IGDCC3: variants seen among roughly 807,000 people sequenced by gnomAD.
The protein encoded by IGDCC3 is putative neuronal cell adhesion molecule.
Under a neutral mutation model 72.0 loss-of-function variants are expected in IGDCC3, and 47 were observed. The ratio of observed to expected loss-of-function variants is 0.65; its 90% CI spans 0.52 to 0.83. IGDCC3 has a LOEUF of 0.83. IGDCC3 is among the 40% of genes least tolerant of loss of function. The pLI is 0.00. For missense variants in IGDCC3, 1,038 were observed against 1,091.3 expected (o/e 0.95, Z 0.69); for synonymous variants, 477 against 472.8 (o/e 1.01, Z -0.11).
chr15:65,371,690 G>T (rs978384410), intron 2 of IGDCC3, among the ~76,000 whole-genome samples: 1 of 152,240 alleles, frequency 6.6e-6, no homozygotes, highest in African/African-American at 2.4e-5. Flanking sequence ...CTGAGATCAA[G>T]AATTAAGGCT....
At chr15:65,343,116 T>C (rs1448043391) in intron 2 of IGDCC3, among the ~76,000 whole-genome samples, 1 of 152,214 alleles carries the variant, frequency 6.6e-6, no homozygotes, top group East Asian at 1.9e-4. Context: ...CTAGAGCCAC[T>C]GCAATAGGGG....
rs575582153 is a variant in IGDCC3 at position 65,353,190 on chromosome 15, CTT to C, written c.410-17236_410-17235del. On this transcript the variant is annotated intron_variant, in intron 2 of 13. Transcript: ENST00000327987. ...TTTGTAGGAATACAGGACAAGCGTA[CTT>C]TTTTTTTTTTTCCTTCCTTCCTTCC... Among the ~76,000 whole-genome samples the C allele has an allele frequency of 8.3e-5, 12 of 144,420 alleles. No individual in the cohort carries two copies. The East Asian group carries it at 1.6e-3, about 19-fold the overall frequency. The allele number at this position is 144,420 out of a possible 152,430, so 94.7% of individuals were successfully genotyped here.
At chr15:65,350,893 C>T (rs1282656871) in intron 2 of IGDCC3, among the ~76,000 whole-genome samples, 2 of 152,196 alleles carry the variant, frequency 1.3e-5, no homozygotes, top group African/African-American at 4.8e-5. Flanking sequence ...AACATTATAA[C>T]ATGTAATTGA....
chr15:65,368,160 T>TCACA (rs57451250), intron 2 of IGDCC3, among the ~76,000 whole-genome samples: 2,960 of 146,266 alleles, frequency 0.02, 105 homozygotes, highest in African/African-American at 0.071. Flanking sequence ...TCTCTTTCAC[T>TCACA]CACACACACA....
At position 65,330,560 on chromosome 15, in the gene IGDCC3, G is replaced by A. The variant is rs1255367796; in HGVS notation, c.1743C>T (p.Leu581=). The A allele has an allele frequency of 4.3e-6, 7 of 1,613,214 alleles. No homozygotes were observed. The highest frequency in any genetic ancestry group is 5.1e-6 in the Non-Finnish European group (6 of 1,179,848). The change falls in exon 10 of 14, where the codon CTC becomes CTT. Residue 581 remains leucine (L), a synonymous_variant. Coordinates refer to ENST00000327987, the MANE Select transcript of IGDCC3 (RefSeq NM_004884.4). ...LLPGTVSSYN[L]SQLDPTAVYE... is the part of the protein sequence containing the mutation. ...CTGTGTCTGCCTCACCGAGCTGGCT[G>A]AGGTTGTAGGAGGAGACGGTTCCAG...
intron 2 of IGDCC3, among the ~76,000 whole-genome samples, chr15:65,347,849 T>C (rs2091138073): frequency 6.6e-6 from 1 of 152,072 alleles, no homozygotes; most frequent in African/African-American, 2.4e-5. Flanking sequence ...GGCAGGAGAA[T>C]TGCTTGAACC....
chr15:65,373,514 A>G (rs1483086523), intron 2 of IGDCC3: 1 of 152,452 alleles, frequency 6.6e-6, no homozygotes, highest in Non-Finnish European at 1.5e-5. Flanking sequence ...TCCTGCCTCA[A>G]ACTGATTCAT....
At chr15:65,352,684 T>G (rs562522828) in intron 2 of IGDCC3, among the ~76,000 whole-genome samples, 677 of 152,358 alleles carry the variant, frequency 4.4e-3, no homozygotes, top group Non-Finnish European at 6.9e-3. Flanking sequence ...GTTCCTTCTA[T>G]GGAAGAGAGT....
At position 65,329,498 on chromosome 15, in the gene IGDCC3, C is replaced by G. The variant is rs748129615; in HGVS notation, c.2097G>C (p.Arg699=). 1.9e-6 allele frequency: 3 copies of G among 1,607,660 alleles called. No homozygotes were observed. Among genetic ancestry groups the G allele is most frequent in the Admixed American group, 1.7e-5 (1 of 57,548 alleles). ...PGILALNGAR[R]GQRGQLGRDE... is the part of the protein sequence containing the mutation. Reference sequence around the variant, plus strand: ...CTCGGCCCAGCTGGCCCCGCTGTCCCCGTCTCGCCCCATTTAGGGCTAGAA... The same window carrying G: ...CTCGGCCCAGCTGGCCCCGCTGTCCGCGTCTCGCCCCATTTAGGGCTAGAA... Residue 699 remains arginine, a synonymous_variant, in exon 13 of 14, where the codon CGG becomes CGC. Coordinates refer to ENST00000327987, the MANE Select transcript of IGDCC3 (RefSeq NM_004884.4). This position sits in a 1 kb window ranked among gnomAD's most constrained non-coding sequence, Gnocchi z 4.1.
chr15:65,334,729 C>T lies in IGDCC3; in HGVS notation c.822G>A (p.Leu274=). Residue 274 remains leucine, a splice_region_variant and synonymous_variant, in exon 5 of 14, where the codon CTG becomes CTA. Transcript: ENST00000327987. ...NPRPIVSWSR[L]DGRPIGVEGI... ...AGGGGCTGTGGGGATGAGGCTCACC[C>T]AGGCGGCTCCAGGACACAATGGGGC... 1 of 1,562,800 alleles carries T rather than the reference C, an allele frequency of 6.4e-7. No homozygotes were observed. The highest frequency in any genetic ancestry group is 8.7e-7 in the Non-Finnish European group (1 of 1,154,344).
In IGDCC3 at chr15:65,334,807, G is replaced by C; in HGVS notation, c.744C>G (p.Thr248=). 6.2e-7 allele frequency: 1 copy of C among 1,612,894 alleles called. No homozygotes were observed. The highest frequency in any genetic ancestry group is 8.5e-7 in the Non-Finnish European group (1 of 1,179,588). ...GCACCGCGGTCTGGTGCACTGTCAG[G>C]GTGAGGTTCTCAGGCCCCACGAGGA... ...PAILVGPENL[T]LTVHQTAVLE... Residue 248 remains threonine (T), a synonymous_variant, in exon 5 of 14, where the codon ACC becomes ACG. Coordinates refer to ENST00000327987, the MANE Select transcript of IGDCC3 (RefSeq NM_004884.4).
chr15:65,329,628 A>C lies in IGDCC3; in HGVS notation c.1998-31T>G. On this transcript the variant is annotated intron_variant, in intron 12 of 13. Coordinates refer to ENST00000327987, the MANE Select transcript of IGDCC3 (RefSeq NM_004884.4). The surrounding 1 kb of genome is among the most constrained non-coding windows in gnomAD (Gnocchi z 4.1). ...GGTTAGCCAAGAGTTGGGGGGAGGG[A>C]GAGAGAAAAGAGACAGAGGCAGTGA... 1.2e-6 allele frequency: 2 copies of C among 1,611,352 alleles called. No individual in the cohort carries two copies. The highest frequency in any genetic ancestry group is 1.7e-6 in the Non-Finnish European group (2 of 1,178,070).
At chr15:65,333,132 GGGGCGAGGGGCA>G (rs2090993796) in intron 6 of IGDCC3, 113 bp downstream of exon 6, 2 of 931,064 alleles carry the variant, frequency 2.1e-6, no homozygotes. Flanking sequence ...GGGCCGGTGA[GGGGCGAGGGGCA>G]GGGCGAGTCC....
chr15:65,374,488 C>T (rs1167633363), intron 2 of IGDCC3, among the ~76,000 whole-genome samples: 1 of 152,172 alleles, frequency 6.6e-6, no homozygotes, highest in Non-Finnish European at 1.5e-5. Flanking sequence ...TCTTGCCTCG[C>T]CTTTTCTCTC....
At chr15:65,362,200 T>C (rs562084408) in intron 2 of IGDCC3, among the ~76,000 whole-genome samples, 78 of 151,868 alleles carry the variant, frequency 5.1e-4, no homozygotes, top group Admixed American at 9.2e-4. Context: ...AACTTTACAA[T>C]TGGGAAGGGA....
Position 65,330,747 on chromosome 15 carries a change from G to A in IGDCC3, c.1562-6C>T, listed in dbSNP as rs774021187. 1 of 1,594,740 alleles carries A rather than the reference G, an allele frequency of 6.3e-7. No individual in the cohort carries two copies. The highest frequency in any genetic ancestry group is 1.1e-5 in the South Asian group (1 of 89,850). On this transcript the variant is annotated splice_polypyrimidine_tract_variant and splice_region_variant and intron_variant, in intron 9 of 13. Coordinates refer to ENST00000327987, the MANE Select transcript of IGDCC3 (RefSeq NM_004884.4). ...CAGTGGGGGTGGGGCAGGGGCTGCA[G>A]GTAGAGAAGGAGGCCACGATGTGAG...
chr15:65,357,615 A>G (rs1251689097), intron 2 of IGDCC3, among the ~76,000 whole-genome samples: 1 of 152,262 alleles, frequency 6.6e-6, no homozygotes, highest in Non-Finnish European at 1.5e-5. Context: ...CTGACCAACT[A>G]ACTGTATTTA....
chr15:65,334,160 C>G lies in IGDCC3; in HGVS notation c.823+568G>C, dbSNP rs1300298203. ...CTCCCTGTGAATGCGGTGCCCCACC[C>G]CACCCCCTCCAGAGTTTCCTTCCCG... is the stretch of plus-strand genomic sequence containing the variant. On this transcript the variant is annotated intron_variant, in intron 5 of 13. Coordinates refer to ENST00000327987, the MANE Select transcript of IGDCC3 (RefSeq NM_004884.4). 2.6e-5 allele frequency among the ~76,000 whole-genome samples: 4 copies of G among 152,212 alleles called. No homozygotes were observed. In the East Asian group the frequency reaches 7.7e-4, roughly 29 times the overall value.
intron 2 of IGDCC3, among the ~76,000 whole-genome samples, chr15:65,351,642 T>A (rs1348636861): frequency 6.6e-6 from 1 of 152,190 alleles, no homozygotes; most frequent in African/African-American, 2.4e-5. Context: ...TACATTAATG[T>A]AAAGGTGAAA....
Sources: gnomAD v4.1 joint callset for allele counts (sites outside exome capture counted in the v4.1 genomes callset) on GRCh38, gnomAD v4.1.1 for gene constraint, Gnocchi (gnomAD v3.1) non-coding constraint, MANE v1.5 for transcripts, NCBI Gene and HGNC (gene_info 2026-07-23, HGNC 2026-07-21) for gene names.